Variants in CNTN3 observed in about 807,000 individuals in gnomAD.
CNTN3 encodes contactin-3.
A neutral mutation model predicts 119.1 loss-of-function variants in CNTN3; 60 were observed. That is an observed-to-expected ratio of 0.50 (90% CI 0.41 to 0.62). CNTN3 has a LOEUF of 0.62. CNTN3 is among the 20% of genes least tolerant of loss of function. The pLI, the probability that CNTN3 is intolerant of heterozygous loss-of-function variation, is 0.00. For missense variants in CNTN3, 1,101 were observed against 1,242.4 expected, an observed-to-expected ratio of 0.89 and a Z score of 1.71; for synonymous variants, 450 against 438.7, an observed-to-expected ratio of 1.03 and a Z score of -0.32.
At chr3:74,437,716 T>C (rs1249882851) in intron 4 of CNTN3, among the ~76,000 whole-genome samples, 1 of 151,990 alleles carries the variant, frequency 6.6e-6, no homozygotes, top group African/African-American at 2.4e-5. Flanking sequence ...TATATATACA[T>C]ATATATAGCC....
chr3:74,592,431 C>T (rs754584985), intron 1 of CNTN3, among the ~76,000 whole-genome samples: 7 of 151,648 alleles, frequency 4.6e-5, no homozygotes, highest in Non-Finnish European at 1.0e-4. Context: ...AAAAAAAATA[C>T]GCTTACTCTA....
At chr3:74,501,689 T>C (rs1326530570) in intron 2 of CNTN3, among the ~76,000 whole-genome samples, 1 of 152,054 alleles carries the variant, frequency 6.6e-6, no homozygotes, top group Non-Finnish European at 1.5e-5. Context: ...CAATTAGCCC[T>C]TACTAATCCC....
At chr3:74,527,395 T>C (rs1191299464) in intron 1 of CNTN3, among the ~76,000 whole-genome samples, 1 of 151,880 alleles carries the variant, frequency 6.6e-6, no homozygotes, top group Non-Finnish European at 1.5e-5. Flanking sequence ...TTGTTGTATG[T>C]ATATTGCAGT....
At chr3:74,455,332 G>A (rs1311693692) in intron 4 of CNTN3, among the ~76,000 whole-genome samples, 5 of 151,812 alleles carry the variant, frequency 3.3e-5, no homozygotes, top group Admixed American at 6.6e-5. Context: ...CGTAGTTCTC[G>A]AGCCTTGGCT....
At chr3:74,355,001 C>A in intron 11 of CNTN3, among the ~76,000 whole-genome samples, 1 of 152,246 alleles carries the variant, frequency 6.6e-6, no homozygotes, top group Non-Finnish European at 1.5e-5. Context: ...AAGCTCATGA[C>A]ACATAAATCT....
At chr3:74,306,306 G>T (rs1702563182) in intron 13 of CNTN3, among the ~76,000 whole-genome samples, 1 of 150,756 alleles carries the variant, frequency 6.6e-6, no homozygotes, top group Non-Finnish European at 1.5e-5. Flanking sequence ...AAATAAACTT[G>T]CATCTAATAT....
chr3:74,317,756 T>A (rs1467787481), intron 13 of CNTN3, among the ~76,000 whole-genome samples: 7 of 152,196 alleles, frequency 4.6e-5, no homozygotes, highest in African/African-American at 1.7e-4. Flanking sequence ...CCTTTCTCTC[T>A]GGCTGCCCTT....
At chr3:74,291,423 G>C (rs1303734297) in intron 19 of CNTN3, among the ~76,000 whole-genome samples, 3 of 152,094 alleles carry the variant, frequency 2.0e-5, no homozygotes, top group Non-Finnish European at 4.4e-5. Context: ...CCCAGTAATG[G>C]GATTGCTGGG....
At chr3:74,325,918 C>A (rs1314224820) in intron 13 of CNTN3, among the ~76,000 whole-genome samples, 1 of 152,032 alleles carries the variant, frequency 6.6e-6, no homozygotes, top group Non-Finnish European at 1.5e-5. Flanking sequence ...AAATTAATGA[C>A]GAGGCATCAT....
At chr3:74,533,365 T>C (rs979553484) in intron 1 of CNTN3, among the ~76,000 whole-genome samples, 21 of 152,046 alleles carry the variant, frequency 1.4e-4, no homozygotes, top group African/African-American at 5.1e-4. Context: ...GGAGCACTAA[T>C]AACTAAACAT....
chr3:74,434,595 C>T (rs1701836569), intron 4 of CNTN3, among the ~76,000 whole-genome samples: 3 of 152,180 alleles, frequency 2.0e-5, no homozygotes, highest in African/African-American at 7.2e-5. Flanking sequence ...TAGGTGCAAT[C>T]CCTTGGCTGA....
intron 9 of CNTN3, 59 bp downstream of exon 9, chr3:74,365,507 G>C: frequency 1.2e-6 from 2 of 1,603,244 alleles, no homozygotes; most frequent in Non-Finnish European, 1.7e-6. Flanking sequence ...TAAACACCAA[G>C]TGAGGAAAGG....
chr3:74,410,351 G>A (rs1192829039), intron 5 of CNTN3, among the ~76,000 whole-genome samples: 1 of 152,224 alleles, frequency 6.6e-6, no homozygotes, highest in Non-Finnish European at 1.5e-5. Flanking sequence ...TTTCATGTGA[G>A]AGCCACAGGA....
chr3:74,570,218 G>A (rs964600713), intron 1 of CNTN3, among the ~76,000 whole-genome samples: 1 of 152,046 alleles, frequency 6.6e-6, no homozygotes, highest in Non-Finnish European at 1.5e-5. Context: ...GTATATGGAG[G>A]GGGAGGAGGG....
At position 74,285,764 on chromosome 3, in the gene CNTN3, G is replaced by T. The variant is rs567155167; in HGVS notation, c.2518-273C>A. ...AAATGCTGAGCAAGCCAGACTATGA[G>T]ATTATAAGTGGGAGAATGAAGGGGA... On this transcript the variant is annotated intron_variant, in intron 19 of 22. Transcript: ENST00000263665. 3.1e-3 allele frequency among the ~76,000 whole-genome samples: 399 copies of T among 129,564 alleles called. 2 individuals are homozygous for T. The highest frequency in any genetic ancestry group is 5.0e-3 in the Non-Finnish European group (308 of 62,190). 85.0% of individuals were successfully genotyped at this position (129,564 alleles called of 152,430 possible).
chr3:74,405,066 C>G (rs1575693265), intron 5 of CNTN3, among the ~76,000 whole-genome samples: 1 of 152,010 alleles, frequency 6.6e-6, no homozygotes, highest in East Asian at 1.9e-4. Context: ...CATTATGTCT[C>G]TTAGATTTAT....
intron 1 of CNTN3, among the ~76,000 whole-genome samples, chr3:74,613,516 G>A (rs1299490930): frequency 2.0e-5 from 3 of 151,978 alleles, no homozygotes; most frequent in African/African-American, 4.8e-5. Flanking sequence ...TTACCGTAGC[G>A]GACACCGTTT....
chr3:74,482,943 ACTT>A (rs1559625578), intron 4 of CNTN3, among the ~76,000 whole-genome samples: 1 of 152,144 alleles, frequency 6.6e-6, no homozygotes. Flanking sequence ...ATTATCTTCT[ACTT>A]CTTTTCTCAT....
At chr3:74,531,752 G>C (rs770921070) in intron 1 of CNTN3, among the ~76,000 whole-genome samples, 10 of 151,950 alleles carry the variant, frequency 6.6e-5, no homozygotes, top group Non-Finnish European at 1.0e-4. Flanking sequence ...TGTTAGGAAA[G>C]CTAAGGGTGC....
Sources: allele counts gnomAD v4.1 joint callset (sites outside exome capture counted in the v4.1 genomes callset), GRCh38; gene constraint gnomAD v4.1.1; transcripts MANE v1.5; gene names NCBI Gene and HGNC (gene_info 2026-07-23, HGNC 2026-07-21).